GABRB1: variants seen among roughly 807,000 people sequenced by gnomAD.
GABRB1 encodes the protein gamma-aminobutyric acid type A receptor subunit beta1.
A neutral mutation model predicts 51.6 loss-of-function variants in GABRB1; 17 were observed. The ratio of observed to expected loss-of-function variants is 0.33; its 90% CI spans 0.23 to 0.49. GABRB1 has a LOEUF of 0.49. Ranked by LOEUF, GABRB1 falls within the 20% of genes least tolerant of loss-of-function variation. GABRB1 has a pLI of 0.99. For missense variants in GABRB1, 410 were observed against 600.6 expected (o/e 0.68, Z 3.32); for synonymous variants, 247 against 218.9 (o/e 1.13, Z -1.14).
Position 47,174,964 on chromosome 4 carries a change from C to CTTCCTTCCTTTCATCA in GABRB1, c.461+13506_461+13521dup, listed in dbSNP as rs1370925817. Reference sequence around the variant, plus strand: ...TCCCTCCTCCTTCCTTCCTTCTTTTCTTCCTTCCTTTCATCATTCCTTCCT... The same window carrying CTTCCTTCCTTTCATCA: ...TCCCTCCTCCTTCCTTCCTTCTTTTCTTCCTTCCTTTCATCATTCCTTCCTTTCATCATTCCTTCCT... On this transcript the variant is annotated intron_variant, in intron 4 of 8. Transcript: ENST00000295454. 5.2e-5 allele frequency among the ~76,000 whole-genome samples: 7 copies of CTTCCTTCCTTTCATCA among 133,494 alleles called. No homozygotes were observed. The East Asian group carries it at 1.4e-3, about 27-fold the overall frequency. The allele number at this position is 133,494 out of a possible 152,430, so 87.6% of individuals were successfully genotyped here. A position where few individuals can be genotyped will look rare whatever the true frequency, so the allele number is the denominator to read the frequency against.
intron 4 of GABRB1, among the ~76,000 whole-genome samples, chr4:47,193,435 C>T (rs1342002842): frequency 6.6e-6 from 1 of 152,138 alleles, no homozygotes; most frequent in Non-Finnish European, 1.5e-5. Context: ...GTGGTATTAT[C>T]CCATTTTACA....
chr4:47,042,373 GCA>G (rs1560507919), intron 3 of GABRB1, among the ~76,000 whole-genome samples: 3 of 130,004 alleles, frequency 2.3e-5, no homozygotes, highest in Non-Finnish European at 1.6e-5. Flanking sequence ...AAATATCAAT[GCA>G]TGTGTATGTG....
At chr4:47,190,509 TC>T (rs1212952616) in intron 4 of GABRB1, among the ~76,000 whole-genome samples, 1 of 152,136 alleles carries the variant, frequency 6.6e-6, no homozygotes, top group African/African-American at 2.4e-5. Flanking sequence ...CCTACACATA[TC>T]CTTTATCTGT....
intron 5 of GABRB1, among the ~76,000 whole-genome samples, chr4:47,400,921 C>CTTTTTTTTTTTTTTTTTTTTTTTTTT (rs71195629): frequency 1.0e-5 from 1 of 98,542 alleles, no homozygotes; most frequent in African/African-American, 4.1e-5. Flanking sequence ...TTGTTCTTCT[C>CTTTTTTTTTTTTTTTTTTTTTTTTTT]TTTTTTTTTT....
chr4:47,238,781 T>C (rs1002399442), intron 4 of GABRB1, among the ~76,000 whole-genome samples: 36 of 152,248 alleles, frequency 2.4e-4, no homozygotes, highest in African/African-American at 8.7e-4. Context: ...ATTATGACCA[T>C]GCTAGAAATT....
chr4:47,409,367 A>T (rs34015438), intron 8 of GABRB1, among the ~76,000 whole-genome samples: 2 of 152,014 alleles, frequency 1.3e-5, no homozygotes, highest in Non-Finnish European at 2.9e-5. Flanking sequence ...GGTGGCTCTC[A>T]GTGAGATGAA....
chr4:47,247,868 T>A (rs1721827055), intron 4 of GABRB1, among the ~76,000 whole-genome samples: 1 of 152,006 alleles, frequency 6.6e-6, no homozygotes, highest in Non-Finnish European at 1.5e-5. Flanking sequence ...ACATTAATCT[T>A]TTATCTTTGC....
chr4:47,242,484 C>A (rs1388604326), intron 4 of GABRB1, among the ~76,000 whole-genome samples: 2 of 152,218 alleles, frequency 1.3e-5, no homozygotes, highest in African/African-American at 4.8e-5. Flanking sequence ...AATGGTTGAA[C>A]TAGCTTACAG....
chr4:47,096,243 C>T (rs1343705299), intron 3 of GABRB1, among the ~76,000 whole-genome samples: 1 of 152,110 alleles, frequency 6.6e-6, no homozygotes, highest in East Asian at 1.9e-4. Flanking sequence ...TTTGCTATTC[C>T]ATTATTACTG....
At chr4:47,310,719 G>A (rs986550934) in intron 4 of GABRB1, among the ~76,000 whole-genome samples, 1 of 152,074 alleles carries the variant, frequency 6.6e-6, no homozygotes, top group Admixed American at 6.6e-5. Flanking sequence ...GAGTGGAAAA[G>A]GCTTCAACAT....
intron 5 of GABRB1, among the ~76,000 whole-genome samples, chr4:47,354,491 C>G (rs1299654149): frequency 1.3e-5 from 2 of 152,158 alleles, no homozygotes; most frequent in Non-Finnish European, 2.9e-5. Flanking sequence ...TCCCAGAACT[C>G]TGTGTTCTCA....
intron 5 of GABRB1, among the ~76,000 whole-genome samples, chr4:47,329,460 A>G (rs988957522): frequency 6.7e-6 from 1 of 149,020 alleles, no homozygotes; most frequent in African/African-American, 2.4e-5. Context: ...GCACATACAT[A>G]TATATGGAAT....
chr4:47,140,146 T>G (rs1716867055), intron 3 of GABRB1, among the ~76,000 whole-genome samples: 1 of 142,162 alleles, frequency 7.0e-6, no homozygotes, highest in Admixed American at 7.1e-5. Context: ...ACACACAAGA[T>G]TCCAAAGCCT....
intron 3 of GABRB1, among the ~76,000 whole-genome samples, chr4:47,084,774 T>C (rs4075285): frequency 0.11 from 16,065 of 152,158 alleles, 1,020 homozygotes; most frequent in South Asian, 0.2. Context: ...ACCCATAGTG[T>C]TCCTCATCAG....
At chr4:47,392,653 C>T (rs1024866929) in intron 5 of GABRB1, among the ~76,000 whole-genome samples, 6 of 152,158 alleles carry the variant, frequency 3.9e-5, no homozygotes, top group Non-Finnish European at 1.5e-5. Flanking sequence ...CTCCCTTCCA[C>T]CTTCTAATCT....
chr4:47,047,590 C>G (rs1425824504), intron 3 of GABRB1, among the ~76,000 whole-genome samples: 1 of 152,016 alleles, frequency 6.6e-6, no homozygotes, highest in Non-Finnish European at 1.5e-5. Flanking sequence ...AACATTTAAA[C>G]ATAGAAAAGT....
At chr4:47,166,173 T>C (rs747045945) in intron 4 of GABRB1, among the ~76,000 whole-genome samples, 7 of 152,160 alleles carry the variant, frequency 4.6e-5, no homozygotes, top group Non-Finnish European at 1.0e-4. Context: ...AAGTATGTTT[T>C]AAATATTTTA....
At chr4:47,213,975 C>T (rs760297724) in intron 4 of GABRB1, among the ~76,000 whole-genome samples, 16 of 151,450 alleles carry the variant, frequency 1.1e-4, no homozygotes, top group Non-Finnish European at 2.2e-4. Context: ...CTGCTTTTTT[C>T]CTTCTCTCTG....
At chr4:47,338,045 C>A (rs535170334) in intron 5 of GABRB1, among the ~76,000 whole-genome samples, 3 of 152,240 alleles carry the variant, frequency 2.0e-5, no homozygotes, top group Admixed American at 6.5e-5. Flanking sequence ...CATTTGTCAT[C>A]ACTGTGATTA....
Sources: gnomAD v4.1 joint callset for allele counts (sites outside exome capture counted in the v4.1 genomes callset) on GRCh38, gnomAD v4.1.1 for gene constraint, MANE v1.5 for transcripts, NCBI Gene and HGNC (gene_info 2026-07-23, HGNC 2026-07-21) for gene names.